The following XPR1 variants were observed in gnomAD, a reference collection of about 807,000 sequenced individuals.
The protein encoded by XPR1 is xenotropic and polytropic retrovirus receptor 1, also known as solute carrier family 53 member 1.
In XPR1, 28 loss-of-function variants were observed where a neutral mutation model predicts 87.5. That is an observed-to-expected ratio of 0.32 (90% confidence interval 0.24 to 0.44). The LOEUF (loss-of-function observed/expected upper bound fraction) is 0.44, where lower values mean the gene tolerates loss of function less well. Among genes scored for constraint, XPR1 ranks in the 20% least tolerant of loss-of-function variants. The pLI, the probability that XPR1 is intolerant of heterozygous loss-of-function variation, is 1.00. For synonymous variants in XPR1, 300 were observed against 306.1 expected (o/e 0.98, Z 0.21); for missense variants, 559 against 862.3 (o/e 0.65, Z 4.41).
chr1:180,632,470 G>A (rs535374735), intron 1 of XPR1, among the ~76,000 whole-genome samples, 200 bp downstream of exon 1: 4 of 152,226 alleles, frequency 2.6e-5, no homozygotes, highest in African/African-American at 9.6e-5. Flanking sequence ...CCGCAGCCCC[G>A]CTGCCGCCGG....
At chr1:180,762,537 G>A (rs565696513) in intron 2 of XPR1, among the ~76,000 whole-genome samples, 15 of 152,224 alleles carry the variant, frequency 9.9e-5, no homozygotes, top group African/African-American at 3.6e-4. Context: ...ATCTTTCATG[G>A]TGGACTAAAA....
chr1:180,637,763 A>G (rs1654833822), intron 1 of XPR1, among the ~76,000 whole-genome samples: 1 of 152,186 alleles, frequency 6.6e-6, no homozygotes, highest in Non-Finnish European at 1.5e-5. Context: ...CATGTTGGCC[A>G]GGCTGGTCTC....
chr1:180,888,597 A>G lies in XPR1; in HGVS notation c.*4531A>G, dbSNP rs2102236484. The stretch of plus-strand genomic sequence containing the variant: ...CTTCTGCAAAAGTTAGGTAAAGAAG[A>G]ATAAATCCAATTTATCAGCTTTGTT... On this transcript the variant is annotated 3_prime_UTR_variant, in exon 15 of 15. Transcript: ENST00000367590. 6.6e-6 allele frequency: 1 copy of G among 152,194 alleles called. No individual in the cohort carries two copies. The highest frequency in any genetic ancestry group is 2.1e-4 in the South Asian group (1 of 4,808). The allele number at this position is 152,194 out of a possible 1,614,324, so 9.4% of individuals were successfully genotyped here.
At chr1:180,682,078 T>G (rs1205198511) in intron 1 of XPR1, among the ~76,000 whole-genome samples, 5 of 152,184 alleles carry the variant, frequency 3.3e-5, no homozygotes, top group Non-Finnish European at 7.4e-5. Flanking sequence ...TTTTTCTTAG[T>G]CAAGAGAGTT....
chr1:180,633,125 C>T (rs768172922), intron 1 of XPR1, among the ~76,000 whole-genome samples: 2 of 152,168 alleles, frequency 1.3e-5, no homozygotes, highest in Admixed American at 6.5e-5. Flanking sequence ...TCCCCATTCC[C>T]TCCCAATTTC....
intron 2 of XPR1, among the ~76,000 whole-genome samples, chr1:180,768,083 A>G (rs1648361765): frequency 1.3e-5 from 2 of 152,100 alleles, no homozygotes; most frequent in Non-Finnish European, 2.9e-5. Context: ...TGACCTCGTG[A>G]TCCACCCGCC....
At chr1:180,680,692 G>C (rs1386211930) in intron 1 of XPR1, among the ~76,000 whole-genome samples, 2 of 152,026 alleles carry the variant, frequency 1.3e-5, no homozygotes, top group African/African-American at 4.8e-5. Flanking sequence ...ATATGAATCA[G>C]CAATCCCACT....
chr1:180,642,485 C>T (rs961155718), intron 1 of XPR1, among the ~76,000 whole-genome samples: 2 of 151,888 alleles, frequency 1.3e-5, no homozygotes, highest in Non-Finnish European at 2.9e-5. Flanking sequence ...GTTGAGTGCT[C>T]TAGTGTGCCA....
chr1:180,634,042 C>T lies in XPR1; in HGVS notation c.69+1772C>T, dbSNP rs116386122. 7.8e-3 allele frequency among the ~76,000 whole-genome samples: 1,184 copies of T among 152,236 alleles called. 17 individuals are homozygous for T. The highest frequency in any genetic ancestry group is 0.027 in the African/African-American group (1,129 of 41,538). ...ATCTGGGGCTGGAAGGAGAAGCATA[C>T]GATTTAGTTTGAAAATGCAACCCTC... On this transcript the variant is annotated intron_variant, in intron 1 of 14. Transcript: ENST00000367590.
Position 180,880,159 on chromosome 1 carries a change from T to C in XPR1, c.1892T>C (p.Val631Ala). 1 of 1,614,180 alleles carries C rather than the reference T, an allele frequency of 6.2e-7. No individual in the cohort carries two copies. The highest frequency in any genetic ancestry group is 8.5e-7 in the Non-Finnish European group (1 of 1,180,038). ...TTCCGTGCTGTGCGGGACATCTCTG[T>C]GGCCCCCCTGAACGCAGATGATCAG... ...GEFRAVRDIS[V>A]APLNADDQTL... Residue 631 changes from valine (V) to alanine (A), a missense_variant, in exon 14 of 15, where the codon GTG becomes GCG. Val to Ala is a moderately conservative substitution (Grantham distance 64). This residue lies in a region of XPR1 where 80 missense variants were observed against 99.5 expected (regional missense o/e 0.80). Transcript: ENST00000367590.
intron 7 of XPR1, among the ~76,000 whole-genome samples, chr1:180,822,132 G>A (rs1025546467): frequency 1.3e-5 from 2 of 152,164 alleles, no homozygotes; most frequent in African/African-American, 4.8e-5. Flanking sequence ...GTCATGCCGT[G>A]TATGTACAAA....
intron 10 of XPR1, 27 bp downstream of exon 10, chr1:180,835,072 A>G (rs368353010): frequency 3.7e-6 from 6 of 1,606,582 alleles, no homozygotes; most frequent in African/African-American, 1.3e-5. Flanking sequence ...CATCTATACT[A>G]CTAAATCGCT....
chr1:180,666,045 C>T (rs1655949800), intron 1 of XPR1, among the ~76,000 whole-genome samples: 1 of 152,146 alleles, frequency 6.6e-6, no homozygotes, highest in South Asian at 2.1e-4. Context: ...TTTCCCAGTA[C>T]TATTTGTTGA....
intron 2 of XPR1, among the ~76,000 whole-genome samples, chr1:180,753,115 G>C (rs964843901): frequency 2.0e-5 from 3 of 152,178 alleles, no homozygotes; most frequent in South Asian, 4.1e-4. Flanking sequence ...CAATCACTTT[G>C]AGCCAACTTT....
chr1:180,784,020 A>G (rs1485714490), intron 2 of XPR1, among the ~76,000 whole-genome samples: 1 of 151,966 alleles, frequency 6.6e-6, no homozygotes, highest in Non-Finnish European at 1.5e-5. Context: ...ATGCTGTTGC[A>G]TTCCAGCCTG....
intron 2 of XPR1, among the ~76,000 whole-genome samples, chr1:180,736,171 C>T (rs528652588): frequency 6.6e-6 from 1 of 152,206 alleles, no homozygotes; most frequent in East Asian, 1.9e-4. Context: ...AATGTTTTAG[C>T]TGATACTTGA....
In XPR1 at chr1:180,766,172, G is replaced by A. The variant is rs533496040; in HGVS notation, c.122-21581G>A. Among the ~76,000 whole-genome samples the A allele has an allele frequency of 1.2e-4, 19 of 152,080 alleles. No individual in the cohort carries two copies. The South Asian group carries it at 1.9e-3, about 15-fold the overall frequency. ...GTCTTATTTAATATCTGCATTTGTT[G>A]GTAATATAGACATACCCTAATGCTA... On this transcript the variant is annotated intron_variant, in intron 2 of 14. Transcript: ENST00000367590.
rs1649125188 is a variant in XPR1 at position 180,786,001 on chromosome 1, C to T, written c.122-1752C>T. ...AGAGAAAGCTGTGACCTGCTTCATGCTTTGAAAAAAATAATTCCCGGTGAC... is the reference window on the plus strand; with the variant it reads ...AGAGAAAGCTGTGACCTGCTTCATGTTTTGAAAAAAATAATTCCCGGTGAC... On this transcript the variant is annotated intron_variant, in intron 2 of 14. Coordinates refer to ENST00000367590, the MANE Select transcript of XPR1 (RefSeq NM_004736.4). Among the ~76,000 whole-genome samples, 10 of 151,342 alleles carry T rather than the reference C, an allele frequency of 6.6e-5. No individual in the cohort carries two copies. The South Asian group carries it at 2.1e-3, about 32-fold the overall frequency.
At chr1:180,645,096 A>T (rs985185524) in intron 1 of XPR1, among the ~76,000 whole-genome samples, 2 of 152,214 alleles carry the variant, frequency 1.3e-5, no homozygotes, top group African/African-American at 4.8e-5. Context: ...TGAATCCAGA[A>T]TGTGTGGAAA....
Sources: allele counts gnomAD v4.1 joint callset (sites outside exome capture counted in the v4.1 genomes callset), GRCh38; gene constraint gnomAD v4.1.1; regional missense constraint gnomAD v4.1.1; transcripts MANE v1.5; gene names NCBI Gene and HGNC (gene_info 2026-07-23, HGNC 2026-07-21).